PALM2AKAP2: variants seen among roughly 807,000 people sequenced by gnomAD.
The protein encoded by PALM2AKAP2 is PALM2 and AKAP2 fusion, also known as PALM2-AKAP2 fusion protein.
In PALM2AKAP2, 37 loss-of-function variants were observed where a neutral mutation model predicts 71.5. That is an observed-to-expected ratio of 0.52 (90% CI 0.40 to 0.68). The LOEUF is 0.68. Among genes scored for constraint, PALM2AKAP2 ranks in the 30% least tolerant of loss-of-function variants. The probability of loss-of-function intolerance (pLI) is 0.00; values close to 1 mark genes in which losing one functional copy is unlikely to be tolerated. For missense variants in PALM2AKAP2, 1,224 were observed against 1,191.8 expected, an observed-to-expected ratio of 1.03 and a Z score of -0.40; for synonymous variants, 468 against 478.8, an observed-to-expected ratio of 0.98 and a Z score of 0.29.
intron 1 of PALM2AKAP2, among the ~76,000 whole-genome samples, chr9:109,844,856 A>G (rs138444921): frequency 2.6e-5 from 4 of 152,178 alleles, no homozygotes; most frequent in African/African-American, 7.2e-5. Context: ...TGCTCTCGTC[A>G]TACCTCACCT....
chr9:109,702,004 T>C (rs983505901), intron 1 of PALM2AKAP2, among the ~76,000 whole-genome samples: 22 of 152,244 alleles, frequency 1.4e-4, no homozygotes, highest in Admixed American at 4.6e-4. Context: ...TCATCATCAC[T>C]GGCCATCAGA....
At chr9:109,693,771 T>C (rs1472631887) in intron 1 of PALM2AKAP2, among the ~76,000 whole-genome samples, 3 of 152,096 alleles carry the variant, frequency 2.0e-5, no homozygotes, top group South Asian at 4.1e-4. Context: ...TCTTCTAACA[T>C]TGATTTCTAG....
At chr9:109,980,365 T>C (rs1471321537) in intron 6 of PALM2AKAP2, among the ~76,000 whole-genome samples, 1 of 152,104 alleles carries the variant, frequency 6.6e-6, no homozygotes, top group African/African-American at 2.4e-5. Flanking sequence ...TCACATTCTT[T>C]TGCAAGGAGG....
chr9:110,135,989 T>A, intron 1 of PALM2AKAP2, 138 bp from the exon 8 acceptor site: 1 of 1,121,490 alleles, frequency 8.9e-7, no homozygotes, highest in Non-Finnish European at 1.2e-6. Flanking sequence ...TAAGGGATTA[T>A]TAGAAAATAT....
chr9:110,023,305 C>CTTTTCT lies in PALM2AKAP2; in HGVS notation c.582+7270_582+7271insCTTTTT, dbSNP rs1371633641. On this transcript the variant is annotated intron_variant, in intron 7 of 9. Transcript: ENST00000302798. ...GTGAGATGGTATCTCATTGTGGTTT[C>CTTTTCT]TTTTTTTTTTTTTTTTTTTTTTTTT... 3.5e-3 allele frequency among the ~76,000 whole-genome samples: 259 copies of CTTTTCT among 74,062 alleles called. 7 individuals are homozygous for CTTTTCT. Among genetic ancestry groups the CTTTTCT allele is most frequent in the African/African-American group, 0.015 (250 of 16,204 alleles). 48.6% of individuals were successfully genotyped at this position (74,062 alleles called of 152,430 possible).
intron 2 of PALM2AKAP2, among the ~76,000 whole-genome samples, chr9:110,150,866 T>G (rs192462897): frequency 1.3e-5 from 2 of 152,362 alleles, no homozygotes; most frequent in African/African-American, 2.4e-5. Context: ...CTTTTTCTCT[T>G]AATATAGTTT....
chr9:109,816,477 G>A (rs1030044148), intron 1 of PALM2AKAP2, among the ~76,000 whole-genome samples: 16 of 152,126 alleles, frequency 1.1e-4, no homozygotes, highest in Admixed American at 6.5e-5. Flanking sequence ...AGGGAAAGAG[G>A]CGAGGCTGTG....
chr9:109,856,567 T>G (rs1829171797), intron 1 of PALM2AKAP2, among the ~76,000 whole-genome samples: 1 of 152,206 alleles, frequency 6.6e-6, no homozygotes, highest in Non-Finnish European at 1.5e-5. Context: ...CTGGTAGGGA[T>G]GAGGTGAAGA....
intron 3 of PALM2AKAP2, among the ~76,000 whole-genome samples, chr9:109,907,772 G>T (rs1269355546): frequency 2.6e-5 from 4 of 152,204 alleles, no homozygotes; most frequent in Admixed American, 2.6e-4. Context: ...ACCTGGTAAT[G>T]TCAAGCACGG....
At chr9:109,700,736 C>G (rs1368159417) in intron 1 of PALM2AKAP2, among the ~76,000 whole-genome samples, 1 of 152,168 alleles carries the variant, frequency 6.6e-6, no homozygotes, top group African/African-American at 2.4e-5. Flanking sequence ...AAAATTTTTG[C>G]TGGGCTGTGT....
intron 5 of PALM2AKAP2, among the ~76,000 whole-genome samples, chr9:109,928,964 G>C (rs1831024107): frequency 6.6e-6 from 1 of 152,030 alleles, no homozygotes; most frequent in African/African-American, 2.4e-5. Context: ...ACTGCGCCCA[G>C]CCCATTCCCT....
At chr9:110,009,915 C>T (rs1832850016) in intron 6 of PALM2AKAP2, among the ~76,000 whole-genome samples, 1 of 152,094 alleles carries the variant, frequency 6.6e-6, no homozygotes. Flanking sequence ...CTCTTCCCAA[C>T]AGAAGTTAGT....
chr9:110,166,640 A>G (rs943840005), intron 3 of PALM2AKAP2, among the ~76,000 whole-genome samples: 1 of 152,210 alleles, frequency 6.6e-6, no homozygotes, highest in Non-Finnish European at 1.5e-5. Flanking sequence ...TATGCAAAAC[A>G]CACATGGCTT....
intron 1 of PALM2AKAP2, among the ~76,000 whole-genome samples, chr9:109,764,156 C>G (rs944068763): frequency 2.0e-5 from 3 of 152,096 alleles, no homozygotes; most frequent in Non-Finnish European, 2.9e-5. Flanking sequence ...ACACAGCAAC[C>G]CATTCTCAGT....
intron 5 of PALM2AKAP2, among the ~76,000 whole-genome samples, chr9:109,929,918 T>C (rs1223864443): frequency 1.4e-5 from 2 of 144,706 alleles, no homozygotes; most frequent in Non-Finnish European, 3.0e-5. Context: ...CAGTTCAACA[T>C]GGAGAATAAT....
At chr9:110,107,023 G>A (rs1441219781) in intron 1 of PALM2AKAP2, among the ~76,000 whole-genome samples, 9 of 152,154 alleles carry the variant, frequency 5.9e-5, no homozygotes. Flanking sequence ...ACTTTTCAGG[G>A]AAGGGATTAT....
chr9:110,145,319 A>G (rs1394121881), intron 2 of PALM2AKAP2, among the ~76,000 whole-genome samples: 1 of 152,214 alleles, frequency 6.6e-6, no homozygotes, highest in Non-Finnish European at 1.5e-5. Flanking sequence ...CGGATAGCCA[A>G]GGGACTAACT....
chr9:109,991,865 A>G (rs983630779), intron 6 of PALM2AKAP2, among the ~76,000 whole-genome samples: 1 of 152,194 alleles, frequency 6.6e-6, no homozygotes, highest in African/African-American at 2.4e-5. Context: ...TTGTAGAGGA[A>G]GAATAGACGT....
chr9:110,105,718 GTC>G, intron 1 of PALM2AKAP2, among the ~76,000 whole-genome samples: 1 of 152,218 alleles, frequency 6.6e-6, no homozygotes, highest in Non-Finnish European at 1.5e-5. Flanking sequence ...AGGGAAGTAG[GTC>G]TCTCTTTTTC....
Sources: gnomAD v4.1 joint callset for allele counts (sites outside exome capture counted in the v4.1 genomes callset) on GRCh38, gnomAD v4.1.1 for gene constraint, MANE v1.5 for transcripts, NCBI Gene and HGNC (gene_info 2026-07-23, HGNC 2026-07-21) for gene names.